RGL1: variants seen among roughly 807,000 people sequenced by gnomAD.
RGL1 encodes ral guanine nucleotide dissociation stimulator-like 1.
A neutral mutation model predicts 95.2 loss-of-function variants in RGL1; 24 were observed. That is an observed-to-expected ratio of 0.25 (90% CI 0.18 to 0.35). RGL1 has a LOEUF of 0.35. RGL1 is among the 10% of genes least tolerant of loss of function. The pLI is 1.00. For missense variants in RGL1, 715 were observed against 936.3 expected, an observed-to-expected ratio of 0.76 and a Z score of 3.08; for synonymous variants, 329 against 344.9, an observed-to-expected ratio of 0.95 and a Z score of 0.51.
chr1:183,826,571 A>T (rs1202390173), intron 2 of RGL1, among the ~76,000 whole-genome samples: 2 of 152,202 alleles, frequency 1.3e-5, no homozygotes, highest in Non-Finnish European at 2.9e-5. Flanking sequence ...GAAGAAGATG[A>T]TGATGAAATA....
At chr1:183,636,612 A>C (rs996103142) in intron 1 of RGL1, 2 of 156,132 alleles carry the variant, frequency 1.3e-5, no homozygotes, top group African/African-American at 2.4e-5. Flanking sequence ...ACATCTTAAA[A>C]TAGGTGGTCG....
At position 183,926,037 on chromosome 1, in the gene RGL1, AG is replaced by A. The variant is rs1383091308; in HGVS notation, c.2120-67del. On this transcript the variant is annotated intron_variant, in intron 17 of 17. Coordinates refer to ENST00000360851, the MANE Select transcript of RGL1 (RefSeq NM_001297671.3). ...GTTCTTGTGTCTGGGCAAGGTTTACAGCTGCCGTTGTCAGTACTGAGCTGAC... is the reference window on the plus strand; with the variant it reads ...GTTCTTGTGTCTGGGCAAGGTTTACACTGCCGTTGTCAGTACTGAGCTGAC... 57 of 1,383,918 alleles carry A rather than the reference AG, an allele frequency of 4.1e-5. No individual in the cohort carries two copies. The East Asian group carries it at 1.3e-3, about 31-fold the overall frequency. 85.7% of individuals were successfully genotyped at this position (1,383,918 alleles called of 1,614,324 possible). A position where few individuals can be genotyped will look rare whatever the true frequency, so the allele number is the denominator to read the frequency against.
intron 1 of RGL1, among the ~76,000 whole-genome samples, chr1:183,704,867 C>T (rs1418057710): frequency 6.6e-6 from 1 of 152,178 alleles, no homozygotes; most frequent in Non-Finnish European, 1.5e-5. Context: ...ATAGCAGCTG[C>T]CGCCAATGCT....
At chr1:183,664,605 A>T (rs919357620) in intron 1 of RGL1, among the ~76,000 whole-genome samples, 23 of 151,292 alleles carry the variant, frequency 1.5e-4, no homozygotes, top group African/African-American at 5.1e-4. Context: ...TAATCCTGCT[A>T]TCGCATCCTA....
At chr1:183,865,926 GA>G in intron 3 of RGL1, 69 bp from the exon 4 acceptor site, 2 of 989,160 alleles carry the variant, frequency 2.0e-6, no homozygotes, top group Non-Finnish European at 3.2e-6. Flanking sequence ...CTTTGTAGTT[GA>G]AGTTGAATAG....
chr1:183,881,422 A>T (rs1666821156), intron 5 of RGL1, among the ~76,000 whole-genome samples: 1 of 152,220 alleles, frequency 6.6e-6, no homozygotes, highest in African/African-American at 2.4e-5. Flanking sequence ...TTGAAGATTA[A>T]CTTCCTATTT....
chr1:183,853,674 A>G (rs954082173), intron 3 of RGL1, among the ~76,000 whole-genome samples: 3 of 152,194 alleles, frequency 2.0e-5, no homozygotes, highest in East Asian at 3.9e-4. Flanking sequence ...TAGTTCACTT[A>G]TTTTTACCCC....
At chr1:183,682,593 G>A (rs1653294889) in intron 1 of RGL1, among the ~76,000 whole-genome samples, 1 of 152,054 alleles carries the variant, frequency 6.6e-6, no homozygotes, top group African/African-American at 2.4e-5. Flanking sequence ...TGAATTATGT[G>A]GTCAATTTTG....
intron 9 of RGL1, among the ~76,000 whole-genome samples, chr1:183,892,880 A>G (rs963475568): frequency 4.6e-5 from 7 of 152,238 alleles, no homozygotes; most frequent in African/African-American, 1.7e-4. Context: ...TATTATCCTC[A>G]TAGTCTTTCT....
intron 3 of RGL1, among the ~76,000 whole-genome samples, chr1:183,850,428 A>G (rs1358099262): frequency 1.3e-5 from 2 of 152,212 alleles, no homozygotes; most frequent in East Asian, 1.9e-4. Context: ...TTATATTCCA[A>G]TATAAGTAAG....
chr1:183,907,055 A>G lies in RGL1; in HGVS notation c.1516A>G (p.Thr506Ala). The change falls in exon 14 of 18, where the codon ACC becomes GCC. Residue 506 changes from threonine to alanine, a missense_variant. Physicochemically the swap from Thr to Ala is moderately conservative, Grantham distance 58. Transcript: ENST00000360851. ...GATTGAAGCAGCTGCTGACGCCAGCACCACCTCGCCCAAGCCTCGGAAGAG... is the reference window on the plus strand; with the variant it reads ...GATTGAAGCAGCTGCTGACGCCAGCGCCACCTCGCCCAAGCCTCGGAAGAG... ...CEIEAAADAS[T>A]TSPKPRKSMV... 1 of 1,612,656 alleles carries G rather than the reference A, an allele frequency of 6.2e-7. No individual in the cohort carries two copies. Among genetic ancestry groups the G allele is most frequent in the South Asian group, 1.1e-5 (1 of 90,834 alleles).
At chr1:183,792,946 A>C (rs1031493722) in intron 2 of RGL1, among the ~76,000 whole-genome samples, 2 of 152,142 alleles carry the variant, frequency 1.3e-5, no homozygotes, top group African/African-American at 4.8e-5. Flanking sequence ...TAGAAAAAAC[A>C]GTCCTAAAAT....
chr1:183,710,043 G>T, intron 1 of RGL1: 1 of 159,244 alleles, frequency 6.3e-6, no homozygotes, highest in South Asian at 1.8e-4. Flanking sequence ...CATTCCTGGT[G>T]GTGATCATGT....
intron 1 of RGL1, among the ~76,000 whole-genome samples, chr1:183,699,228 T>G (rs1392459174): frequency 2.6e-5 from 4 of 152,226 alleles, no homozygotes; most frequent in African/African-American, 9.6e-5. Flanking sequence ...TGATGTAACT[T>G]ACCCTGAACA....
At chr1:183,642,550 A>C (rs1649998303) in intron 1 of RGL1, among the ~76,000 whole-genome samples, 1 of 152,360 alleles carries the variant, frequency 6.6e-6, no homozygotes, top group Admixed American at 6.5e-5. Context: ...AAATAAACCC[A>C]TATAACAGCT....
intron 1 of RGL1, among the ~76,000 whole-genome samples, chr1:183,663,598 C>G (rs1257204363): frequency 2.0e-5 from 3 of 151,998 alleles, no homozygotes; most frequent in South Asian, 2.1e-4. Context: ...AATTGGAACA[C>G]TTTTACACTG....
At chr1:183,747,502 A>T (rs1657717395) in intron 2 of RGL1, among the ~76,000 whole-genome samples, 1 of 152,064 alleles carries the variant, frequency 6.6e-6, no homozygotes. Context: ...TTCCTTGTAA[A>T]TTTATTTAGG....
At chr1:183,706,789 T>C (rs1366227693) in intron 1 of RGL1, among the ~76,000 whole-genome samples, 1 of 152,224 alleles carries the variant, frequency 6.6e-6, no homozygotes, top group Non-Finnish European at 1.5e-5. Context: ...TTTACTTTTC[T>C]CATCACGATT....
At chr1:183,925,187 C>G (rs1669548362) in intron 17 of RGL1, among the ~76,000 whole-genome samples, 1 of 152,082 alleles carries the variant, frequency 6.6e-6, no homozygotes, top group Non-Finnish European at 1.5e-5. Context: ...GAGAAGAGAC[C>G]TATCCTGACA....
Sources: allele counts gnomAD v4.1 joint callset (sites outside exome capture counted in the v4.1 genomes callset), GRCh38; gene constraint gnomAD v4.1.1; transcripts MANE v1.5; gene names NCBI Gene and HGNC (gene_info 2026-07-23, HGNC 2026-07-21).